SLC22A13: variants seen among roughly 807,000 people sequenced by gnomAD.
SLC22A13 encodes organic anion transporter 10.
SLC22A13 carries 42 observed loss-of-function variants against 49.1 expected under a neutral mutation model. The observed-to-expected ratio is 0.85, with a 90% confidence interval of 0.67 to 1.11. The LOEUF (loss-of-function observed/expected upper bound fraction) is 1.11. Ranked by LOEUF, SLC22A13 falls within the 50% of genes least tolerant of loss-of-function variation. The probability of loss-of-function intolerance (pLI) is 0.00; values close to 1 mark genes in which losing one functional copy is unlikely to be tolerated. For synonymous variants in SLC22A13, 282 were observed against 293.1 expected (o/e 0.96, Z 0.39); for missense variants, 694 against 712.8 (o/e 0.97, Z 0.30).
chr3:38,268,691 G>T (rs920041720), intron 1 of SLC22A13, among the ~76,000 whole-genome samples: 11 of 152,204 alleles, frequency 7.2e-5, no homozygotes, highest in African/African-American at 2.7e-4. Context: ...TATAGGGCAA[G>T]AAATGAGGAA....
At chr3:38,271,115 TTTATTA>T (rs1183648411) in intron 1 of SLC22A13, among the ~76,000 whole-genome samples, 1 of 152,252 alleles carries the variant, frequency 6.6e-6, no homozygotes, top group Non-Finnish European at 1.5e-5. Context: ...CCTAAGCTTC[TTTATTA>T]TAAATGGTGA....
chr3:38,276,152 G>A, intron 7 of SLC22A13, 56 bp downstream of exon 7: 1 of 1,539,978 alleles, frequency 6.5e-7, no homozygotes, highest in South Asian at 1.1e-5. Context: ...GGCTGCCAGG[G>A]GCTAGACCAG....
In SLC22A13 at chr3:38,274,724, C is replaced by T. The variant is rs745955068; in HGVS notation, c.603C>T (p.Ala201=). 1.4e-5 allele frequency: 23 copies of T among 1,614,118 alleles called. No individual in the cohort carries two copies. The highest frequency in any genetic ancestry group is 1.7e-4 in the Middle Eastern group (1 of 6,060). Residue 201 remains alanine, a synonymous_variant, in exon 3 of 10, where the codon GCC becomes GCT. Transcript: ENST00000311856. ...YMALRFAVAT[A]VAGLSFSNVT... ...CCCTGCGCTTTGCTGTGGCTACTGC[C>T]GTCGCTGGACTTAGCTTCAGCAATG...
At chr3:38,273,907 A>G (rs766160990) in intron 1 of SLC22A13, among the ~76,000 whole-genome samples, 2 of 152,200 alleles carry the variant, frequency 1.3e-5, no homozygotes, top group African/African-American at 2.4e-5. Context: ...TTTCTCTTCC[A>G]CATTGATTTT....
At chr3:38,276,419 G>C (rs1703585450) in intron 8 of SLC22A13, 24 bp downstream of exon 8, 2 of 1,502,892 alleles carry the variant, frequency 1.3e-6, no homozygotes, top group Non-Finnish European at 1.8e-6. Context: ...TGTGACTCCT[G>C]CTCCTCTGCT....
chr3:38,265,971 T>G lies in SLC22A13; in HGVS notation c.111T>G (p.Phe37Leu). Residue 37 changes from phenylalanine (F) to leucine (L), a missense_variant, in exon 1 of 10, where the codon TTT (phenylalanine) becomes TTG (leucine). By Grantham distance (22) the Phe-to-Leu change is conservative. Transcript: ENST00000311856. ...VLNFLSPFYF[F>L]AHVFMVLDEP... is the part of the protein sequence containing the mutation. Reference sequence around the variant, plus strand: ...ACTTCCTGTCTCCCTTCTACTTTTTTGCCCATGTCTTCATGGTCCTAGATG... The same window carrying G: ...ACTTCCTGTCTCCCTTCTACTTTTTGGCCCATGTCTTCATGGTCCTAGATG... 6.2e-7 allele frequency: 1 copy of G among 1,614,216 alleles called. No homozygotes were observed. Among genetic ancestry groups the G allele is most frequent in the Non-Finnish European group, 8.5e-7 (1 of 1,180,046 alleles).
In SLC22A13 at chr3:38,265,875, C is replaced by G. The variant is rs1703457898; in HGVS notation, c.15C>G (p.Val5=). 1.9e-6 allele frequency: 3 copies of G among 1,614,046 alleles called. No homozygotes were observed. The highest frequency in any genetic ancestry group is 2.5e-6 in the Non-Finnish European group (3 of 1,179,944). The change falls in exon 1 of 10, where the codon GTC becomes GTG. Residue 5 remains valine, a synonymous_variant. Coordinates refer to ENST00000311856, the MANE Select transcript of SLC22A13 (RefSeq NM_004256.4). ...GACTGGCATACATGGCTCAGTTTGT[C>G]CAGGTCCTGGCTGAAATAGGTGACT... is the stretch of plus-strand genomic sequence containing the variant. MAQF[V]QVLAEIGDFG...
rs1369672564 is a variant in SLC22A13, at chr3:38,266,230, A to G, written c.370A>G (p.Lys124Glu). The change falls in exon 1 of 10, where the codon AAG (lysine) becomes GAG (glutamate). Residue 124 changes from lysine (K) to glutamate (E), a missense_variant. Transcript: ENST00000311856. ...TCCTGAGAACAGGCTCCCATCCCTG[A>G]AGAATGAGGTAGGCTTGTCCTTTTG... The part of the protein sequence containing the change: ...EYPENRLPSL[K>E]NEFNLVCDRK... 1 of 1,613,534 alleles carries G rather than the reference A, an allele frequency of 6.2e-7. No individual in the cohort carries two copies. Among genetic ancestry groups the G allele is most frequent in the African/African-American group, 1.3e-5 (1 of 74,928 alleles).
At chr3:38,277,244 T>C in intron 9 of SLC22A13, 117 bp downstream of exon 9, 3 of 1,103,060 alleles carry the variant, frequency 2.7e-6, no homozygotes, top group East Asian at 4.9e-5. Flanking sequence ...TAATATGGGG[T>C]CCTCCAGAAC....
In SLC22A13 at chr3:38,275,171, A is replaced by G; in HGVS notation, c.806+14A>G. On this transcript the variant is annotated intron_variant, in intron 4 of 9. Coordinates refer to ENST00000311856, the MANE Select transcript of SLC22A13 (RefSeq NM_004256.4). Reference sequence around the variant, plus strand: ...CTTCTACTTCTGGTGAGGAAAATACATGCCAGGAGCAAGCCCCCCCAGGTT... The same window carrying G: ...CTTCTACTTCTGGTGAGGAAAATACGTGCCAGGAGCAAGCCCCCCCAGGTT... 1 of 1,613,510 alleles carries G rather than the reference A, an allele frequency of 6.2e-7. No individual in the cohort carries two copies. Among genetic ancestry groups the G allele is most frequent in the Non-Finnish European group, 8.5e-7 (1 of 1,179,494 alleles).
chr3:38,271,899 C>T (rs1390043616), intron 1 of SLC22A13, among the ~76,000 whole-genome samples: 1 of 151,996 alleles, frequency 6.6e-6, no homozygotes, highest in African/African-American at 2.4e-5. Flanking sequence ...GGGTATACGC[C>T]AAGAAATGAG....
chr3:38,274,704 C>A lies in SLC22A13; in HGVS notation c.583C>A (p.Arg195Ser), dbSNP rs754445820. The A allele has an allele frequency of 2.5e-6, 4 of 1,614,088 alleles. No homozygotes were observed. Among genetic ancestry groups the A allele is most frequent in the African/African-American group, 2.7e-5 (2 of 74,958 alleles). ...VPSFELYMAL[R>S]FAVATAVAGL... ...CAGCTTTGAGCTCTACATGGCCCTG[C>A]GCTTTGCTGTGGCTACTGCCGTCGC... The change falls in exon 3 of 10, where the codon CGC becomes AGC. Residue 195 changes from arginine (R) to serine (S), a missense_variant. Coordinates refer to ENST00000311856, the MANE Select transcript of SLC22A13 (RefSeq NM_004256.4).
At position 38,274,979 on chromosome 3, in the gene SLC22A13, A is replaced by G. The variant is rs887570672; in HGVS notation, c.638-10A>G. The G allele has an allele frequency of 1.5e-5, 24 of 1,613,366 alleles. No individual in the cohort carries two copies. The highest frequency in any genetic ancestry group is 2.0e-5 in the Non-Finnish European group (23 of 1,179,342). On this transcript the variant is annotated splice_polypyrimidine_tract_variant and intron_variant, in intron 3 of 9. Coordinates refer to ENST00000311856, the MANE Select transcript of SLC22A13 (RefSeq NM_004256.4). ...GGATTAGCCCTGTCTCAACCTCTCC[A>G]TTGCCACAGTGACAGAATGGGTGGG... is the stretch of plus-strand genomic sequence containing the variant.
intron 1 of SLC22A13, among the ~76,000 whole-genome samples, chr3:38,271,314 C>T (rs1703517881): frequency 6.6e-6 from 1 of 151,822 alleles, no homozygotes; most frequent in African/African-American, 2.4e-5. Flanking sequence ...CCTGTAATCC[C>T]AACACTTTGG....
chr3:38,269,171 G>A (rs1333937087), intron 1 of SLC22A13, among the ~76,000 whole-genome samples: 11 of 152,152 alleles, frequency 7.2e-5, no homozygotes, highest in African/African-American at 2.7e-4. Flanking sequence ...GTATTAGGAT[G>A]GGGAAGGGAA....
chr3:38,269,873 C>G (rs1364382085), intron 1 of SLC22A13, among the ~76,000 whole-genome samples: 1 of 121,956 alleles, frequency 8.2e-6, no homozygotes, highest in Non-Finnish European at 1.7e-5. Flanking sequence ...CCCCCTCCCC[C>G]CACCCCACAA....
rs1039140756 is a variant in SLC22A13 at position 38,277,140 on chromosome 3, C to A, written c.1562+13C>A. 1.9e-6 allele frequency: 3 copies of A among 1,545,258 alleles called. No homozygotes were observed. In the South Asian group the frequency reaches 3.6e-5, roughly 18 times the overall value. Reference sequence around the variant, plus strand: ...GGCCTCACCCACGGTGAGCTGCTTGCTTGCACTGAAACCACGACTTGGGTC... The same window carrying A: ...GGCCTCACCCACGGTGAGCTGCTTGATTGCACTGAAACCACGACTTGGGTC... On this transcript the variant is annotated intron_variant, in intron 9 of 9. Coordinates refer to ENST00000311856, the MANE Select transcript of SLC22A13 (RefSeq NM_004256.4).
chr3:38,271,829 T>C (rs2046309298), intron 1 of SLC22A13, among the ~76,000 whole-genome samples: 1 of 152,198 alleles, frequency 6.6e-6, no homozygotes, highest in Non-Finnish European at 1.5e-5. Context: ...AATTTGGGCT[T>C]TCTCCTAGAG....
intron 6 of SLC22A13, 52 bp downstream of exon 6, chr3:38,275,724 G>T (rs1224138154): frequency 1.3e-6 from 2 of 1,577,010 alleles, no homozygotes; most frequent in South Asian, 2.3e-5. Context: ...CCTCCCTGGT[G>T]TGTGTTGGCA....
Sources: gnomAD v4.1 joint callset for allele counts (sites outside exome capture counted in the v4.1 genomes callset) on GRCh38, gnomAD v4.1.1 for gene constraint, MANE v1.5 for transcripts, NCBI Gene and HGNC (gene_info 2026-07-23, HGNC 2026-07-21) for gene names.